GRAMD2B: variants seen among roughly 807,000 people sequenced by gnomAD.
GRAMD2B encodes GRAM domain-containing protein 2B.
In GRAMD2B, 41 loss-of-function variants were observed where a neutral mutation model predicts 59.2. The ratio of observed to expected loss-of-function variants is 0.69; its 90% CI spans 0.54 to 0.90. The LOEUF is 0.90. Ranked by LOEUF, GRAMD2B falls within the 40% of genes least tolerant of loss-of-function variation. GRAMD2B has a pLI of 0.00. For missense variants in GRAMD2B, 424 were observed against 500.5 expected, an observed-to-expected ratio of 0.85 and a Z score of 1.46; for synonymous variants, 161 against 182.7, an observed-to-expected ratio of 0.88 and a Z score of 0.96.
At chr5:126,406,465 C>T (rs1218939029) in intron 1 of GRAMD2B, among the ~76,000 whole-genome samples, 2 of 151,706 alleles carry the variant, frequency 1.3e-5, no homozygotes, top group Non-Finnish European at 1.5e-5. Flanking sequence ...TGTAACTAAC[C>T]ACCACCTAGA....
At chr5:126,446,208 T>C (rs1764202889) in intron 1 of GRAMD2B, among the ~76,000 whole-genome samples, 1 of 152,234 alleles carries the variant, frequency 6.6e-6, no homozygotes, top group South Asian at 2.1e-4. Flanking sequence ...AGAATCTTTA[T>C]CTTGTAGAGT....
intron 1 of GRAMD2B, among the ~76,000 whole-genome samples, chr5:126,443,811 A>G (rs1763695790): frequency 6.6e-6 from 1 of 152,338 alleles, no homozygotes; most frequent in South Asian, 2.1e-4. Context: ...ACACTTTGGG[A>G]GGCTGAGGCA....
At chr5:126,368,077 A>G (rs1754551108), upstream of GRAMD2B, among the ~76,000 whole-genome samples, 1 of 152,154 alleles carries the variant, frequency 6.6e-6, no homozygotes, top group Non-Finnish European at 1.5e-5. Flanking sequence ...TTATTTCTCA[A>G]TTCCCATGGA....
At chr5:126,450,225 T>A (rs995523978) in intron 1 of GRAMD2B, among the ~76,000 whole-genome samples, 1 of 151,724 alleles carries the variant, frequency 6.6e-6, no homozygotes, top group Non-Finnish European at 1.5e-5. Flanking sequence ...TCCACGGGGG[T>A]GGAGAGGGGT....
At chr5:126,372,843 TA>T (rs1410200963) in intron 1 of GRAMD2B, among the ~76,000 whole-genome samples, 18 of 152,158 alleles carry the variant, frequency 1.2e-4, no homozygotes, top group Non-Finnish European at 2.2e-4. Flanking sequence ...ATCCATCTCT[TA>T]AGTAGACTGT....
intron 1 of GRAMD2B, among the ~76,000 whole-genome samples, chr5:126,447,458 T>G (rs536066412): frequency 1.3e-5 from 2 of 152,172 alleles, no homozygotes; most frequent in South Asian, 4.2e-4. Context: ...GTCAGAAGAT[T>G]GAGACCATCC....
chr5:126,399,107 T>G (rs951835701), intron 1 of GRAMD2B, among the ~76,000 whole-genome samples: 4 of 152,192 alleles, frequency 2.6e-5, no homozygotes, highest in African/African-American at 9.6e-5. Flanking sequence ...GTCTGTTAGG[T>G]ACATTTGGTC....
intron 6 of GRAMD2B, 119 bp downstream of exon 6, chr5:126,477,906 G>A (rs2126878771): frequency 2.9e-6 from 2 of 685,106 alleles, no homozygotes; most frequent in South Asian, 3.3e-5. Context: ...CTCCTGTGGT[G>A]AATCAGGAAA....
chr5:126,380,182 T>G (rs1580708362), intron 1 of GRAMD2B, among the ~76,000 whole-genome samples: 2 of 152,284 alleles, frequency 1.3e-5, no homozygotes, highest in East Asian at 3.9e-4. Flanking sequence ...CCCCACTTTT[T>G]GTTTTGTTTG....
Position 126,373,813 on chromosome 5 carries a change from G to A in GRAMD2B, c.125+2246G>A, listed in dbSNP as rs1426715244. Among the ~76,000 whole-genome samples the A allele has an allele frequency of 3.3e-5, 5 of 152,314 alleles. No homozygotes were observed. The South Asian group carries it at 8.3e-4, about 25-fold the overall frequency. On this transcript the variant is annotated intron_variant, in intron 1 of 8. Coordinates refer to the GRAMD2B transcript ENST00000506445. Reference sequence around the variant, plus strand: ...AGTCATCATAAGACTGAGAAGGAGCGTGGTTGCCCTGCATAGGGAAGATAG... The same window carrying A: ...AGTCATCATAAGACTGAGAAGGAGCATGGTTGCCCTGCATAGGGAAGATAG...
At chr5:126,382,581 T>G (rs1755750653) in intron 1 of GRAMD2B, among the ~76,000 whole-genome samples, 1 of 152,330 alleles carries the variant, frequency 6.6e-6, no homozygotes, top group East Asian at 1.9e-4. Context: ...TCTGGAGATT[T>G]TTCTGACCAT....
At chr5:126,430,705 A>G (rs531800337) in intron 1 of GRAMD2B, among the ~76,000 whole-genome samples, 1 of 152,326 alleles carries the variant, frequency 6.6e-6, no homozygotes, top group South Asian at 2.1e-4. Context: ...AAGAAAAAGA[A>G]AAGAAAGGGC....
intron 6 of GRAMD2B, among the ~76,000 whole-genome samples, chr5:126,478,377 G>A (rs2126882699): frequency 6.6e-6 from 1 of 152,292 alleles, no homozygotes; most frequent in East Asian, 1.9e-4. Context: ...GGTAAAGGCT[G>A]CAGTGAGCCA....
At chr5:126,431,583 T>C (rs919480785) in intron 1 of GRAMD2B, among the ~76,000 whole-genome samples, 2 of 152,170 alleles carry the variant, frequency 1.3e-5, no homozygotes, top group Non-Finnish European at 2.9e-5. Context: ...GGTAGTGATA[T>C]CTGGGCCACC....
intron 5 of GRAMD2B, among the ~76,000 whole-genome samples, chr5:126,476,472 T>C (rs1203430886): frequency 6.6e-6 from 1 of 152,198 alleles, no homozygotes; most frequent in Non-Finnish European, 1.5e-5. Flanking sequence ...CCATTTTCCT[T>C]TGAGATCAAA....
Position 126,455,591 on chromosome 5 carries a change from A to C in GRAMD2B, c.84-9835A>C, listed in dbSNP as rs113768947. On this transcript the variant is annotated intron_variant, in intron 1 of 13. Transcript: ENST00000285689. ...ATCCTTCCACAATAATCATTGTATAACTACAGTGTTTCTTTGGACAGAGAG... is the reference window on the plus strand; with the variant it reads ...ATCCTTCCACAATAATCATTGTATACCTACAGTGTTTCTTTGGACAGAGAG... Among the ~76,000 whole-genome samples, 182 of 152,334 alleles carry C rather than the reference A, an allele frequency of 1.2e-3. 1 individual carries two copies. Among genetic ancestry groups the C allele is most frequent in the African/African-American group, 4.2e-3 (175 of 41,584 alleles).
intron 1 of GRAMD2B, among the ~76,000 whole-genome samples, chr5:126,361,020 T>C (rs914560796): frequency 5.9e-5 from 9 of 152,188 alleles, no homozygotes; most frequent in African/African-American, 2.2e-4. Context: ...AGCTTTTTGG[T>C]TTTTTAGGTT....
intron 1 of GRAMD2B, among the ~76,000 whole-genome samples, chr5:126,405,154 A>G (rs762842806): frequency 6.6e-5 from 10 of 151,892 alleles, no homozygotes; most frequent in Non-Finnish European, 1.5e-4. Flanking sequence ...GGAGGTAGGA[A>G]GAGGAGTAGA....
At chr5:126,402,104 G>A (rs573935981) in intron 1 of GRAMD2B, among the ~76,000 whole-genome samples, 9 of 152,168 alleles carry the variant, frequency 5.9e-5, no homozygotes, top group Admixed American at 2.6e-4. Context: ...CAGCTGAATT[G>A]GTTTTCAGCC....
Sources: allele counts gnomAD v4.1 joint callset (sites outside exome capture counted in the v4.1 genomes callset), GRCh38; gene constraint gnomAD v4.1.1; transcripts MANE v1.5; gene names NCBI Gene and HGNC (gene_info 2026-07-23, HGNC 2026-07-21).